DNAH5: variants seen among roughly 807,000 people sequenced by gnomAD.
The protein encoded by DNAH5 is dynein axonemal heavy chain 5.
DNAH5 carries 372 observed loss-of-function variants against 518.2 expected under a neutral mutation model. The observed-to-expected ratio is 0.72, with a 90% confidence interval of 0.66 to 0.78. The LOEUF is 0.78. DNAH5 is among the 30% of genes least tolerant of loss of function. DNAH5 has a pLI of 0.00. For missense variants in DNAH5, 5,523 were observed against 5,687.0 expected (o/e 0.97, Z 0.93); for synonymous variants, 2,039 against 2,025.9 (o/e 1.01, Z -0.17).
At chr5:13,851,044 T>C (rs1017420567) in intron 30 of DNAH5, among the ~76,000 whole-genome samples, 5 of 152,220 alleles carry the variant, frequency 3.3e-5, no homozygotes, top group African/African-American at 1.2e-4. Context: ...ACTCCCATTA[T>C]GTTAAGTTAC....
intron 12 of DNAH5, among the ~76,000 whole-genome samples, chr5:13,902,781 C>T (rs543854157): frequency 6.6e-6 from 1 of 152,096 alleles, no homozygotes; most frequent in East Asian, 1.9e-4. Context: ...TTAAACTACA[C>T]ATGAAATGAA....
intron 22 of DNAH5, among the ~76,000 whole-genome samples, chr5:13,872,207 T>A (rs949729729): frequency 1.3e-5 from 2 of 152,118 alleles, no homozygotes; most frequent in African/African-American, 4.8e-5. Context: ...GAAGCCTCAA[T>A]GGGAATCTAC....
At chr5:13,949,313 TG>T (rs1246876796), upstream of DNAH5, among the ~76,000 whole-genome samples, 5 of 152,146 alleles carry the variant, frequency 3.3e-5, no homozygotes, top group African/African-American at 1.2e-4. Context: ...TTTATACAAT[TG>T]CAATTTTAAA....
chr5:13,781,284 G>A (rs1457072800), intron 52 of DNAH5, among the ~76,000 whole-genome samples: 4 of 152,164 alleles, frequency 2.6e-5, no homozygotes, highest in Non-Finnish European at 5.9e-5. Context: ...GAGGATTCCT[G>A]TTAGTTGGTC....
At chr5:13,918,567 T>C (rs1259422858) in intron 7 of DNAH5, among the ~76,000 whole-genome samples, 1 of 151,940 alleles carries the variant, frequency 6.6e-6, no homozygotes, top group Non-Finnish European at 1.5e-5. Context: ...ACCTCCCGGG[T>C]TCAAGCGATT....
chr5:13,793,420 C>G (rs1757312303), intron 49 of DNAH5, 95 bp downstream of exon 49: 1 of 1,019,290 alleles, frequency 9.8e-7, no homozygotes, highest in East Asian at 2.4e-5. Context: ...CCACCCAGTG[C>G]TCTTTCTGTG....
At chr5:13,853,047 G>T (rs959731127) in intron 30 of DNAH5, among the ~76,000 whole-genome samples, 1 of 152,184 alleles carries the variant, frequency 6.6e-6, no homozygotes. Flanking sequence ...TCCTCAAGTG[G>T]GTCCCTGACC....
chr5:13,868,063 A>T, intron 24 of DNAH5, 71 bp from the exon 25 acceptor site: 1 of 1,131,112 alleles, frequency 8.8e-7, no homozygotes. Context: ...CATTTATTAA[A>T]TGATAAGAAT....
intron 68 of DNAH5, among the ~76,000 whole-genome samples, chr5:13,729,788 T>C (rs909947759): frequency 6.6e-6 from 1 of 152,206 alleles, no homozygotes; most frequent in Non-Finnish European, 1.5e-5. Flanking sequence ...AGGCAGATGC[T>C]GGATTCTGTC....
chr5:13,767,704 G>A (rs1752704499), intron 58 of DNAH5, among the ~76,000 whole-genome samples: 3 of 152,182 alleles, frequency 2.0e-5, no homozygotes, highest in Admixed American at 2.0e-4. Context: ...AGGTAAAAGA[G>A]GTTGGAGAGG....
rs114618939 is a variant in DNAH5, at chr5:13,770,728, G to A, written c.9605+21C>T. The A allele has an allele frequency of 3.4e-5, 54 of 1,604,126 alleles. No homozygotes were observed. In the South Asian group the frequency reaches 5.1e-4, roughly 15 times the overall value. Reference sequence around the variant, plus strand: ...AGAGCCACGGCTTTAATATAGCTTTGTATAAGAACATCACACTTACCTGTT... The same window carrying A: ...AGAGCCACGGCTTTAATATAGCTTTATATAAGAACATCACACTTACCTGTT... On this transcript the variant is annotated intron_variant, in intron 56 of 78. Transcript: ENST00000265104.
At chr5:13,713,458 T>C (rs1743874935) in intron 75 of DNAH5, among the ~76,000 whole-genome samples, 5 of 132,166 alleles carry the variant, frequency 3.8e-5, no homozygotes, top group Middle Eastern at 3.8e-3. Flanking sequence ...TATATATATA[T>C]ATATATATAC....
At chr5:13,731,531 T>C (rs1338440225) in intron 68 of DNAH5, among the ~76,000 whole-genome samples, 2 of 152,202 alleles carry the variant, frequency 1.3e-5, no homozygotes, top group Admixed American at 6.5e-5. Flanking sequence ...AGAGGACATA[T>C]TCCTGAATAA....
rs1744691263 is a variant in DNAH5, at chr5:13,719,028, T to C, written c.12353A>G (p.Glu4118Gly). ...FMDELMDIII[E>G]TELVHDAFRL... The stretch of plus-strand genomic sequence containing the variant: ...GAACGCATCATGTACAAGCTCAGTT[T>C]CTATGATTATGTCCATCAGCTCATC... Residue 4118 changes from glutamate to glycine, a missense_variant, in exon 72 of 79, where the codon GAA becomes GGA. Glu to Gly is a moderately conservative substitution (Grantham distance 98, BLOSUM62 -2). Transcript: ENST00000265104. 6.2e-7 allele frequency: 1 copy of C among 1,614,174 alleles called. No individual in the cohort carries two copies. The highest frequency in any genetic ancestry group is 2.2e-5 in the East Asian group (1 of 44,868).
At chr5:13,997,447 C>G (rs991582938) in intron 1 of DNAH5, among the ~76,000 whole-genome samples, 1 of 152,166 alleles carries the variant, frequency 6.6e-6, no homozygotes, top group Non-Finnish European at 1.5e-5. Flanking sequence ...CATCTGAGAC[C>G]TCATCAAATG....
At chr5:13,848,046 C>T (rs571633150) in intron 31 of DNAH5, among the ~76,000 whole-genome samples, 1 of 152,254 alleles carries the variant, frequency 6.6e-6, no homozygotes, top group African/African-American at 2.4e-5. Context: ...GGTCTATATC[C>T]AAGAACTGTT....
chr5:13,829,444 G>A (rs1322996467), intron 38 of DNAH5, 66 bp downstream of exon 38: 22 of 1,541,142 alleles, frequency 1.4e-5, no homozygotes, highest in Non-Finnish European at 1.9e-5. Context: ...TTCTCAAAAT[G>A]AGAACATTCT....
At chr5:13,898,849 C>T in intron 15 of DNAH5, 1 of 377,696 alleles carries the variant, frequency 2.6e-6, no homozygotes, top group Non-Finnish European at 4.7e-6. Flanking sequence ...CTTCTTCATC[C>T]CCTGGGTAGC....
intron 65 of DNAH5, among the ~76,000 whole-genome samples, chr5:13,739,193 C>T (rs1400315816): frequency 1.3e-5 from 2 of 152,154 alleles, no homozygotes; most frequent in African/African-American, 4.8e-5. Context: ...TATGGTTTGG[C>T]TCTGTGCCCC....
Sources: allele counts gnomAD v4.1 joint callset (sites outside exome capture counted in the v4.1 genomes callset), GRCh38; gene constraint gnomAD v4.1.1; transcripts MANE v1.5; gene names NCBI Gene and HGNC (gene_info 2026-07-23, HGNC 2026-07-21).